FGF14: variants seen among roughly 807,000 people sequenced by gnomAD.
FGF14 encodes fibroblast growth factor 14.
A neutral mutation model predicts 25.5 loss-of-function variants in FGF14; 5 were observed. That is an observed-to-expected ratio of 0.20 (90% CI 0.10 to 0.41). The LOEUF is 0.41. FGF14 is among the 10% of genes least tolerant of loss of function. The probability of loss-of-function intolerance (pLI) is 1.00; values close to 1 mark genes in which losing one functional copy is unlikely to be tolerated. For missense variants in FGF14, 222 were observed against 320.1 expected (o/e 0.69, Z 2.34); for synonymous variants, 138 against 118.3 (o/e 1.17, Z -1.08).
At chr13:102,120,403 T>C (rs1009279217) in intron 1 of FGF14, among the ~76,000 whole-genome samples, 1 of 152,154 alleles carries the variant, frequency 6.6e-6, no homozygotes, top group Non-Finnish European at 1.5e-5. Flanking sequence ...ATGAGTAGTG[T>C]TAAATGAGGA....
chr13:102,356,754 CATT>C (rs908875303), intron 1 of FGF14, among the ~76,000 whole-genome samples: 1 of 151,872 alleles, frequency 6.6e-6, no homozygotes, highest in African/African-American at 2.4e-5. Flanking sequence ...CTTTTAATAG[CATT>C]ATTATTTATA....
intron 4 of FGF14, 76 bp from the exon 5 acceptor site, chr13:101,723,043 A>T: frequency 3.2e-6 from 5 of 1,549,160 alleles, no homozygotes; most frequent in Non-Finnish European, 4.5e-6. Context: ...CCATACCTGC[A>T]TAGACCACTG....
chr13:101,838,182 G>A (rs2043017636), intron 3 of FGF14, among the ~76,000 whole-genome samples: 1 of 151,890 alleles, frequency 6.6e-6, no homozygotes, highest in South Asian at 2.1e-4. Context: ...TGTCCTATTA[G>A]TTTTATCCCT....
rs1555390389 is a variant in FGF14 at position 101,828,109 on chromosome 13, T to TAA, written c.408+40615_408+40616insTT. 2.1e-3 allele frequency among the ~76,000 whole-genome samples: 325 copies of TAA among 152,076 alleles called. 1 individual carries two copies. Among genetic ancestry groups the TAA allele is most frequent in the African/African-American group, 7.4e-3 (309 of 41,534 alleles). ...CACACATATATATCTTAAATATGCATACACACACACATATATCACATACAG... is the reference window on the plus strand; with the variant it reads ...CACACATATATATCTTAAATATGCATAAACACACACACATATATCACATACAG... On this transcript the variant is annotated intron_variant, in intron 3 of 4. Transcript: ENST00000376143.
At chr13:101,748,904 A>C (rs2037079691) in intron 3 of FGF14, among the ~76,000 whole-genome samples, 2 of 152,014 alleles carry the variant, frequency 1.3e-5, no homozygotes, top group Non-Finnish European at 2.9e-5. Context: ...TGAGAGGTGG[A>C]AGCAACCCAA....
chr13:101,740,552 G>A (rs1158563878), intron 3 of FGF14, among the ~76,000 whole-genome samples: 2 of 152,236 alleles, frequency 1.3e-5, no homozygotes, highest in African/African-American at 2.4e-5. Flanking sequence ...GGCAGCTGAG[G>A]GAACAGAGTG....
At chr13:102,103,707 G>T (rs1248010962) in intron 1 of FGF14, among the ~76,000 whole-genome samples, 1 of 152,184 alleles carries the variant, frequency 6.6e-6, no homozygotes, top group African/African-American at 2.4e-5. Flanking sequence ...TGCACACTGA[G>T]TAGCACTGTT....
intron 1 of FGF14, among the ~76,000 whole-genome samples, chr13:102,145,478 C>T (rs1566742091): frequency 6.6e-6 from 1 of 152,140 alleles, no homozygotes; most frequent in Non-Finnish European, 1.5e-5. Flanking sequence ...ACTAGAATTT[C>T]CCTTCCTCCA....
chr13:101,867,041 C>T (rs1429919988), intron 3 of FGF14, among the ~76,000 whole-genome samples: 2 of 152,132 alleles, frequency 1.3e-5, no homozygotes, highest in African/African-American at 2.4e-5. Flanking sequence ...GAGAGAACAA[C>T]GTACCCAGTA....
chr13:101,796,490 C>T (rs2040529660), intron 3 of FGF14, among the ~76,000 whole-genome samples: 1 of 151,938 alleles, frequency 6.6e-6, no homozygotes, highest in Admixed American at 6.6e-5. Flanking sequence ...ATTATATTCC[C>T]CCCAAATTCA....
chr13:102,022,857 A>G (rs1471559501), intron 1 of FGF14, among the ~76,000 whole-genome samples: 1 of 152,096 alleles, frequency 6.6e-6, no homozygotes, highest in Non-Finnish European at 1.5e-5. Context: ...ATTAAACTTT[A>G]AATGTAACTT....
chr13:102,256,829 T>C (rs1350894392), intron 1 of FGF14, among the ~76,000 whole-genome samples: 5 of 152,238 alleles, frequency 3.3e-5, no homozygotes, highest in Non-Finnish European at 5.9e-5. Context: ...AGTTTGACTT[T>C]AAGTTATATG....
At chr13:102,361,031 A>T (rs1244673754) in intron 1 of FGF14, among the ~76,000 whole-genome samples, 3 of 151,640 alleles carry the variant, frequency 2.0e-5, no homozygotes, top group East Asian at 3.9e-4. Context: ...GGAGAACTTT[A>T]AAAAAAAAGA....
chr13:102,210,911 G>A (rs181126413), intron 1 of FGF14, among the ~76,000 whole-genome samples: 13 of 152,212 alleles, frequency 8.5e-5, no homozygotes, highest in Admixed American at 5.2e-4. Context: ...AGCGTAAGCC[G>A]AATGCAGTAT....
At chr13:101,778,257 G>T (rs1273152738) in intron 3 of FGF14, among the ~76,000 whole-genome samples, 2 of 152,104 alleles carry the variant, frequency 1.3e-5, no homozygotes, top group Non-Finnish European at 2.9e-5. Flanking sequence ...GAAATCTCAC[G>T]TACATTCTTC....
chr13:101,905,404 G>T (rs2032113000), intron 1 of FGF14, among the ~76,000 whole-genome samples: 2 of 152,122 alleles, frequency 1.3e-5, no homozygotes, highest in Non-Finnish European at 2.9e-5. Flanking sequence ...CCTTTGCAGG[G>T]ACATGGATGA....
chr13:101,959,736 C>G (rs953159495), intron 1 of FGF14, among the ~76,000 whole-genome samples: 1 of 152,168 alleles, frequency 6.6e-6, no homozygotes, highest in African/African-American at 2.4e-5. Context: ...TTGACATTTA[C>G]TTTATTTGAT....
At chr13:101,879,494 A>G (rs766871428) in intron 1 of FGF14, among the ~76,000 whole-genome samples, 7 of 152,194 alleles carry the variant, frequency 4.6e-5, no homozygotes, top group Non-Finnish European at 1.0e-4. Context: ...AAATGAGTTC[A>G]ATTAAATTAA....
intron 1 of FGF14, among the ~76,000 whole-genome samples, chr13:102,158,777 G>A (rs1296838310): frequency 1.3e-5 from 2 of 152,084 alleles, no homozygotes; most frequent in Admixed American, 6.6e-5. Context: ...TGAAATCAGA[G>A]GGAATAGACC....
Sources: allele counts gnomAD v4.1 joint callset (sites outside exome capture counted in the v4.1 genomes callset), GRCh38; gene constraint gnomAD v4.1.1; transcripts MANE v1.5; gene names NCBI Gene and HGNC (gene_info 2026-07-23, HGNC 2026-07-21).